The following CUL5 variants were observed in gnomAD, a reference collection of about 807,000 sequenced individuals.
CUL5 encodes the protein cullin 5.
A neutral mutation model predicts 108.8 loss-of-function variants in CUL5; 26 were observed. The observed-to-expected ratio is 0.24, with a 90% CI of 0.18 to 0.33. The LOEUF (loss-of-function observed/expected upper bound fraction) is 0.33, where lower values mean the gene tolerates loss of function less well. CUL5 is among the 10% of genes least tolerant of loss of function. CUL5 has a pLI of 1.00. For missense variants in CUL5, 524 were observed against 909.2 expected, an observed-to-expected ratio of 0.58 and a Z score of 5.45; for synonymous variants, 334 against 298.0, an observed-to-expected ratio of 1.12 and a Z score of -1.25.
chr11:108,023,263 A>C (rs890106449), intron 1 of CUL5, among the ~76,000 whole-genome samples: 6 of 151,982 alleles, frequency 3.9e-5, no homozygotes, highest in Non-Finnish European at 5.9e-5. Context: ...CAAAACAAAC[A>C]AAAAAAACGC....
At chr11:108,062,487 A>T (rs1863561149) in intron 7 of CUL5, among the ~76,000 whole-genome samples, 1 of 150,300 alleles carries the variant, frequency 6.7e-6, no homozygotes, top group Admixed American at 6.6e-5. Flanking sequence ...TTTTGTGTGC[A>T]TTTAAAAATT....
Position 108,009,250 on chromosome 11 carries a change from G to A in CUL5, c.-99G>A, listed in dbSNP as rs1861995133. 2.2e-6 allele frequency: 3 copies of A among 1,353,096 alleles called. No individual in the cohort carries two copies. Among genetic ancestry groups the A allele is most frequent in the East Asian group, 2.3e-5 (1 of 43,012 alleles). The allele number at this position is 1,353,096 out of a possible 1,614,324, so 83.8% of individuals were successfully genotyped here. Reference sequence around the variant, plus strand: ...CCACCACACCCTGGTGCGGGCCGACGGGCCCTGGGCCCTGGTGGGAGCTCC... The same window carrying A: ...CCACCACACCCTGGTGCGGGCCGACAGGCCCTGGGCCCTGGTGGGAGCTCC... On this transcript the variant is annotated 5_prime_UTR_variant, in exon 1 of 19. Transcript: ENST00000393094.
intron 8 of CUL5, among the ~76,000 whole-genome samples, chr11:108,071,625 C>T (rs1356280561): frequency 6.6e-6 from 1 of 152,092 alleles, no homozygotes; most frequent in African/African-American, 2.4e-5. Context: ...CGGCTCACTG[C>T]AGCCTCAGCC....
chr11:108,071,982 G>A (rs998386863), intron 8 of CUL5, among the ~76,000 whole-genome samples: 2 of 152,114 alleles, frequency 1.3e-5, no homozygotes, highest in African/African-American at 4.8e-5. Flanking sequence ...TTTGAGACCA[G>A]CTTGGGCAAC....
rs561531431 is a variant in CUL5 at position 108,089,347 on chromosome 11, T to G, written c.1312-145T>G. On this transcript the variant is annotated intron_variant, in intron 12 of 18. Transcript: ENST00000393094. ...GTAGTGTATCAGGACTGGGTATTTC[T>G]CAGAGATGGATAATTCAGTAGGCCT... 40 of 486,138 alleles carry G rather than the reference T, an allele frequency of 8.2e-5. 1 individual carries two copies. Among genetic ancestry groups the G allele is most frequent in the Non-Finnish European group, 1.1e-4 (32 of 285,632 alleles). 30.1% of individuals were successfully genotyped at this position (486,138 alleles called of 1,614,324 possible).
intron 8 of CUL5, among the ~76,000 whole-genome samples, chr11:108,071,007 G>C (rs1591314249): frequency 6.6e-6 from 1 of 152,174 alleles, no homozygotes; most frequent in East Asian, 1.9e-4. Flanking sequence ...GATTTATTTA[G>C]TGGTAATCAG....
At chr11:108,091,781 A>G (rs1864370109) in intron 13 of CUL5, among the ~76,000 whole-genome samples, 1 of 151,950 alleles carries the variant, frequency 6.6e-6, no homozygotes, top group African/African-American at 2.4e-5. Flanking sequence ...ATCTCTTCAC[A>G]GAAGATAGAC....
intron 13 of CUL5, among the ~76,000 whole-genome samples, chr11:108,091,105 G>A (rs1020987433): frequency 2.0e-5 from 3 of 151,500 alleles, no homozygotes; most frequent in Non-Finnish European, 4.4e-5. Context: ...AGGCTGGATT[G>A]CAGTGGTGCA....
intron 13 of CUL5, among the ~76,000 whole-genome samples, chr11:108,092,582 A>G (rs1323464536): frequency 2.0e-5 from 3 of 152,214 alleles, no homozygotes; most frequent in African/African-American, 7.2e-5. Flanking sequence ...TGCTGAGTGA[A>G]AGAAGCCAAT....
chr11:108,048,648 CTTTTTTTTTTTTTTTTTTTTT>C (rs200991204), intron 3 of CUL5, among the ~76,000 whole-genome samples: 76,337 of 117,108 alleles, frequency 0.65, 24,379 homozygotes, highest in East Asian at 0.9. Context: ...ACTCCACCAC[CTTTTTTTTTTTTTTTTTTTTT>C]TTTTTTTTTT....
chr11:108,020,723 C>CA (rs1300575121), intron 1 of CUL5, among the ~76,000 whole-genome samples: 2 of 151,702 alleles, frequency 1.3e-5, no homozygotes, highest in Non-Finnish European at 2.9e-5. Context: ...ACAAAAAAGT[C>CA]AAAGTTTCCC....
intron 18 of CUL5, among the ~76,000 whole-genome samples, chr11:108,100,299 T>G (rs1216234840): frequency 1.3e-5 from 2 of 152,102 alleles, no homozygotes; most frequent in African/African-American, 4.8e-5. Flanking sequence ...TCCCAGCACT[T>G]TGGGAGGCCG....
chr11:108,080,086 C>T (rs867735263), intron 11 of CUL5, among the ~76,000 whole-genome samples: 3 of 149,276 alleles, frequency 2.0e-5, no homozygotes, highest in African/African-American at 7.4e-5. Context: ...TCCCTCATGA[C>T]TCTTGATGTT....
chr11:108,059,412 A>T (rs984257026), intron 7 of CUL5, among the ~76,000 whole-genome samples: 20 of 152,172 alleles, frequency 1.3e-4, no homozygotes, highest in African/African-American at 4.3e-4. Flanking sequence ...TGGTAGTGTA[A>T]GTCTTGATCA....
rs180680794 is a variant in CUL5, at chr11:108,010,664, T to C, written c.24+1292T>C. On this transcript the variant is annotated intron_variant, in intron 1 of 18. Coordinates refer to ENST00000393094, the MANE Select transcript of CUL5 (RefSeq NM_003478.6). ...AATGCTTAAAACAGTGCCTGGCACT[T>C]AATTAGTATAATACAATAAATTACT... 4.6e-3 allele frequency among the ~76,000 whole-genome samples: 699 copies of C among 152,342 alleles called. 4 individuals carry two copies. The highest frequency in any genetic ancestry group is 7.7e-3 in the Admixed American group (118 of 15,308).
intron 4 of CUL5, among the ~76,000 whole-genome samples, chr11:108,050,340 G>A (rs1005015063): frequency 2.7e-5 from 4 of 150,224 alleles, no homozygotes; most frequent in Non-Finnish European, 3.0e-5. Flanking sequence ...CTGGTATTCA[G>A]TATTTTATTT....
chr11:108,099,335 G>A (rs1197946948), intron 18 of CUL5, among the ~76,000 whole-genome samples: 7 of 151,990 alleles, frequency 4.6e-5, no homozygotes, highest in East Asian at 1.9e-4. Flanking sequence ...AAAACAAGAC[G>A]AAAAGATTAA....
intron 7 of CUL5, among the ~76,000 whole-genome samples, chr11:108,056,616 G>A (rs957954439): frequency 2.6e-5 from 4 of 152,162 alleles, no homozygotes; most frequent in Admixed American, 2.0e-4. Flanking sequence ...AGGCCGGGAA[G>A]GCTGTTGACT....
chr11:108,078,201 C>A lies in CUL5; in HGVS notation c.1139C>A (p.Ala380Asp). ...DKAYKAVVND[A>D]TIFKLELPLK... ...GCGTATAAAGCAGTTGTTAATGATG[C>A]TACCATATTTAAACTTGAATTACCT... Residue 380 changes from alanine to aspartate, a missense_variant, in exon 11 of 19, where the codon GCT becomes GAT. Physicochemically the swap from Ala to Asp is moderately radical, Grantham distance 126. Coordinates refer to ENST00000393094, the MANE Select transcript of CUL5 (RefSeq NM_003478.6). 6.4e-7 allele frequency: 1 copy of A among 1,571,738 alleles called. No individual in the cohort carries two copies. Among genetic ancestry groups the A allele is most frequent in the Non-Finnish European group, 8.7e-7 (1 of 1,155,552 alleles).
Sources: allele counts gnomAD v4.1 joint callset (sites outside exome capture counted in the v4.1 genomes callset), GRCh38; gene constraint gnomAD v4.1.1; transcripts MANE v1.5; gene names NCBI Gene and HGNC (gene_info 2026-07-23, HGNC 2026-07-21).